The following PXDNL variants were observed in gnomAD, a reference collection of about 807,000 sequenced individuals.
PXDNL encodes the protein peroxidasin like.
PXDNL carries 145 observed loss-of-function variants against 150.8 expected under a neutral mutation model. The ratio of observed to expected loss-of-function variants is 0.96; its 90% CI spans 0.84 to 1.10. The LOEUF (loss-of-function observed/expected upper bound fraction) is 1.10, where lower values mean the gene tolerates loss of function less well. Among genes scored for constraint, PXDNL ranks in the 50% least tolerant of loss-of-function variants. The pLI is 0.00. For synonymous variants in PXDNL, 757 were observed against 725.7 expected (o/e 1.04, Z -0.69); for missense variants, 2,087 against 1,873.9 (o/e 1.11, Z -2.10).
chr8:51,327,195 ATCC>A (rs1254004157), intron 21 of PXDNL, among the ~76,000 whole-genome samples: 1 of 152,204 alleles, frequency 6.6e-6, no homozygotes, highest in African/African-American at 2.4e-5. Flanking sequence ...GTGAAAAACA[ATCC>A]TCCTTGTTGC....
rs1203983134 is a variant in PXDNL, at chr8:51,611,454, T to C, written c.237-18756A>G. Among the ~76,000 whole-genome samples the C allele has an allele frequency of 2.0e-5, 3 of 152,236 alleles. No homozygotes were observed. The East Asian group carries it at 5.8e-4, about 29-fold the overall frequency. Reference sequence around the variant, plus strand: ...GTCTTAACTATTTTATGATAAATGTTTAAATATAGTGATTAAACACTTTTT... The same window carrying C: ...GTCTTAACTATTTTATGATAAATGTCTAAATATAGTGATTAAACACTTTTT... On this transcript the variant is annotated intron_variant, in intron 2 of 22. Transcript: ENST00000356297.
chr8:51,670,544 A>G (rs1815477072), intron 1 of PXDNL, among the ~76,000 whole-genome samples: 1 of 152,242 alleles, frequency 6.6e-6, no homozygotes, highest in Non-Finnish European at 1.5e-5. Context: ...GTATCTAAAC[A>G]TAGATAAGGT....
chr8:51,692,456 T>A (rs1585678036), intron 1 of PXDNL, among the ~76,000 whole-genome samples: 2 of 152,342 alleles, frequency 1.3e-5, no homozygotes, highest in East Asian at 1.9e-4. Context: ...AAGTTTTACA[T>A]GAGGAAAGTC....
rs546131830 is a variant in PXDNL at position 51,364,550 on chromosome 8, T to C, written c.3901+7323A>G. ...ATAAAAGTGAAAAAGGAGATGGTTG[T>C]GTGGACTCATGGGGTATACTTTTAT... On this transcript the variant is annotated intron_variant, in intron 19 of 22. Coordinates refer to ENST00000356297, the MANE Select transcript of PXDNL (RefSeq NM_144651.5). 9.8e-5 allele frequency among the ~76,000 whole-genome samples: 15 copies of C among 152,348 alleles called. No individual in the cohort carries two copies. In the East Asian group the frequency reaches 2.9e-3, roughly 29 times the overall value.
intron 13 of PXDNL, among the ~76,000 whole-genome samples, 195 bp from the exon 14 acceptor site, chr8:51,423,926 T>TTC (rs548908903): frequency 3.9e-5 from 6 of 152,178 alleles, no homozygotes; most frequent in Admixed American, 3.9e-4. Flanking sequence ...AGTGTGGTTT[T>TTC]TCTCTCTCTC....
chr8:51,544,639 G>C (rs991174107), intron 4 of PXDNL, among the ~76,000 whole-genome samples: 1 of 152,126 alleles, frequency 6.6e-6, no homozygotes, highest in Non-Finnish European at 1.5e-5. Flanking sequence ...AAAGAATAAG[G>C]CTAACAAATC....
Position 51,453,716 on chromosome 8 carries a change from C to T in PXDNL, c.1052G>A (p.Cys351Tyr), listed in dbSNP as rs770509095. 3.7e-6 allele frequency: 6 copies of T among 1,614,044 alleles called. No homozygotes were observed. The highest frequency in any genetic ancestry group is 2.2e-5 in the East Asian group (1 of 44,888). Reference sequence around the variant, plus strand: ...AGGGTGTGGGTGGCCTGTGGCCATACATTCCAAAGTTGTGCTGGTGCCAAT... The same window carrying T: ...AGGGTGTGGGTGGCCTGTGGCCATATATTCCAAAGTTGTGCTGGTGCCAAT... ...VLIGTSTTLECMATGHPHPLI... is the reference protein window; with the variant it reads ...VLIGTSTTLEYMATGHPHPLI... Residue 351 changes from cysteine (C) to tyrosine (Y), a missense_variant, in exon 10 of 23, where the codon TGT becomes TAT. Coordinates refer to ENST00000356297, the MANE Select transcript of PXDNL (RefSeq NM_144651.5).
chr8:51,324,880 CTTTA>C (rs760421094), intron 21 of PXDNL, among the ~76,000 whole-genome samples: 47 of 151,584 alleles, frequency 3.1e-4, no homozygotes, highest in Non-Finnish European at 5.9e-4. Context: ...TTTATGACTG[CTTTA>C]TTTATTTATT....
intron 1 of PXDNL, among the ~76,000 whole-genome samples, chr8:51,712,462 C>G (rs998728111): frequency 6.6e-6 from 1 of 152,178 alleles, no homozygotes; most frequent in Non-Finnish European, 1.5e-5. Flanking sequence ...TTCTTTCTCT[C>G]TCTGCTAAAA....
chr8:51,476,658 A>G (rs1272874352), intron 6 of PXDNL, among the ~76,000 whole-genome samples: 1 of 152,234 alleles, frequency 6.6e-6, no homozygotes, highest in Non-Finnish European at 1.5e-5. Context: ...AGGCGCAGAA[A>G]TGATTAATAC....
intron 4 of PXDNL, among the ~76,000 whole-genome samples, chr8:51,534,264 G>T (rs1811997134): frequency 7.1e-6 from 1 of 141,488 alleles, no homozygotes; most frequent in African/African-American, 3.0e-5. Context: ...CCCCGTCTGA[G>T]AAGTGAGGAG....
chr8:51,809,330 C>A lies in PXDNL; in HGVS notation c.15G>T (p.Leu5=), dbSNP rs1253852541. 1 of 1,559,070 alleles carries A rather than the reference C, an allele frequency of 6.4e-7. No homozygotes were observed. Among genetic ancestry groups the A allele is most frequent in the Admixed American group, 2.0e-5 (1 of 50,954 alleles). Residue 5 remains leucine, a synonymous_variant, in exon 1 of 23, where the codon CTG becomes CTT. Coordinates refer to ENST00000356297, the MANE Select transcript of PXDNL (RefSeq NM_144651.5). MEPR[L]FCWTTLFLLA... Reference sequence around the variant, plus strand: ...GGAGAAAGAGAGTGGTCCAGCAGAACAGTCTGGGCTCCATCGCTCCATTCG... The same window carrying A: ...GGAGAAAGAGAGTGGTCCAGCAGAAAAGTCTGGGCTCCATCGCTCCATTCG...
rs371469298 is a variant in PXDNL at position 51,477,489 on chromosome 8, C to T, written c.525-2348G>A. On this transcript the variant is annotated intron_variant, in intron 6 of 22. Transcript: ENST00000356297. ...GTTGGTTCAGTGGGCCTCGGCTGTT[C>T]CTTGTCACTGACTGACTTATTGTAC... Among the ~76,000 whole-genome samples the T allele has an allele frequency of 8.5e-5, 13 of 152,270 alleles. No individual in the cohort carries two copies. In the East Asian group the frequency reaches 2.5e-3, roughly 29 times the overall value.
intron 1 of PXDNL, among the ~76,000 whole-genome samples, chr8:51,656,126 AC>A (rs1234801690): frequency 1.3e-5 from 2 of 152,340 alleles, no homozygotes; most frequent in South Asian, 4.1e-4. Context: ...TAAAATGAAA[AC>A]AAAAACTATT....
At chr8:51,556,110 A>G (rs1812594654) in intron 4 of PXDNL, among the ~76,000 whole-genome samples, 1 of 151,992 alleles carries the variant, frequency 6.6e-6, no homozygotes, top group Non-Finnish European at 1.5e-5. Flanking sequence ...TGTCTCTACT[A>G]AAAACATATA....
At chr8:51,420,912 A>T (rs1357484212) in intron 14 of PXDNL, among the ~76,000 whole-genome samples, 1 of 152,030 alleles carries the variant, frequency 6.6e-6, no homozygotes, top group African/African-American at 2.4e-5. Context: ...CTGGTCTCGA[A>T]CTCCTGACAT....
At chr8:51,578,885 T>C (rs982744728) in intron 3 of PXDNL, among the ~76,000 whole-genome samples, 1 of 152,010 alleles carries the variant, frequency 6.6e-6, no homozygotes, top group Admixed American at 6.6e-5. Flanking sequence ...CAACAGGTGC[T>C]GATGCAACTG....
At chr8:51,589,852 C>G (rs1042599706) in intron 3 of PXDNL, among the ~76,000 whole-genome samples, 1 of 152,012 alleles carries the variant, frequency 6.6e-6, no homozygotes, top group Non-Finnish European at 1.5e-5. Context: ...AGTAAAAAAG[C>G]ATGTAAAAGA....
chr8:51,623,849 T>A (rs1414165088), intron 2 of PXDNL, among the ~76,000 whole-genome samples: 1 of 152,102 alleles, frequency 6.6e-6, no homozygotes, highest in Non-Finnish European at 1.5e-5. Context: ...ATCCCAGCAC[T>A]CTGTGAGGCC....
Sources: gnomAD v4.1 joint callset for allele counts (sites outside exome capture counted in the v4.1 genomes callset) on GRCh38, gnomAD v4.1.1 for gene constraint, MANE v1.5 for transcripts, NCBI Gene and HGNC (gene_info 2026-07-23, HGNC 2026-07-21) for gene names.